The following RAB33A variants were observed in gnomAD, a reference collection of about 807,000 sequenced individuals.
RAB33A encodes the protein ras-related protein Rab-33A.
In RAB33A, 6 loss-of-function variants were observed where a neutral mutation model predicts 12.0. The observed-to-expected ratio is 0.50, with a 90% CI of 0.27 to 0.99. The LOEUF (loss-of-function observed/expected upper bound fraction) is 0.99. Ranked by LOEUF, RAB33A falls within the 50% of genes least tolerant of loss-of-function variation. The probability of loss-of-function intolerance (pLI) is 0.11; values close to 1 mark genes in which losing one functional copy is unlikely to be tolerated. For missense variants in RAB33A, 109 were observed against 192.0 expected (o/e 0.57, Z 2.55); for synonymous variants, 70 against 82.4 (o/e 0.85, Z 0.81).
the RAB33A span, chrX:130,136,877 T>C: frequency 5.0e-6 from 5 of 1,004,720 alleles, no homozygotes; most frequent in South Asian, 1.0e-4. Context: ...CCTACACCCA[T>C]GGTTCATTTT....
chrX:130,150,326 C>CTTT, the RAB33A span, among the ~76,000 whole-genome samples: 60 of 61,650 alleles, frequency 9.7e-4, 2 homozygotes, highest in African/African-American at 3.3e-3. Context: ...TTATTGGAGA[C>CTTT]TTTTTTTTTT....
chrX:130,162,212 A>G, the RAB33A span, among the ~76,000 whole-genome samples: 2 of 112,159 alleles, frequency 1.8e-5, no homozygotes, highest in East Asian at 2.8e-4. Context: ...ACTATTCTGA[A>G]TATGAGAAAA....
At chrX:130,126,231 C>G in the RAB33A span, among the ~76,000 whole-genome samples, 3 of 112,238 alleles carry the variant, frequency 2.7e-5, no homozygotes, top group African/African-American at 9.7e-5. Flanking sequence ...TGGCTCATGC[C>G]TGTAATCTCA....
At chrX:130,177,141 G>C (rs1484154359) in intron 1 of RAB33A, among the ~76,000 whole-genome samples, 5 of 112,108 alleles carry the variant, frequency 4.5e-5, no homozygotes, top group Non-Finnish European at 7.5e-5. Context: ...GCCACCCATG[G>C]CATGTTGCCA....
At chrX:130,125,868 T>C in the RAB33A span, among the ~76,000 whole-genome samples, 1 of 111,925 alleles carries the variant, frequency 8.9e-6, no homozygotes, top group South Asian at 3.7e-4. Flanking sequence ...ATCTAACCCC[T>C]TTCCAATCAA....
the RAB33A span, chrX:130,147,803 T>C: frequency 8.2e-7 from 1 of 1,212,265 alleles, no homozygotes; most frequent in Non-Finnish European, 1.1e-6. Flanking sequence ...CAAAAGCAGC[T>C]GTGCCTCCAC....
the RAB33A span, chrX:130,131,537 T>A: frequency 1.1e-6 from 1 of 927,577 alleles, no homozygotes; most frequent in South Asian, 2.1e-5. Flanking sequence ...GACTTGGGGT[T>A]TGGTTTCTTT....
chrX:130,140,640 CA>C, the RAB33A span: 1 of 1,120,629 alleles, frequency 8.9e-7, no homozygotes, highest in African/African-American at 1.8e-5. Context: ...CACACATACA[CA>C]AAAGAGGTAG....
the RAB33A span, chrX:130,145,427 G>C: frequency 2.1e-6 from 2 of 930,888 alleles, no homozygotes; most frequent in Non-Finnish European, 3.1e-6. Context: ...CACCATACTG[G>C]CTGGTGGGCA....
At chrX:130,161,391 A>G in the RAB33A span, among the ~76,000 whole-genome samples, 11 of 107,497 alleles carry the variant, frequency 1.0e-4, 1 homozygote, top group South Asian at 4.7e-3. Flanking sequence ...GGTGCCTGTA[A>G]TCCCAGCTAC....
chrX:130,176,573 C>T (rs1274016191), intron 1 of RAB33A, among the ~76,000 whole-genome samples: 2 of 112,092 alleles, frequency 1.8e-5, no homozygotes, highest in Non-Finnish European at 3.8e-5. Flanking sequence ...GCTAAGTGTT[C>T]CTTGGAAGCT....
At chrX:130,132,296 G>T in the RAB33A span, among the ~76,000 whole-genome samples, 3 of 112,160 alleles carry the variant, frequency 2.7e-5, no homozygotes, top group Non-Finnish European at 5.6e-5. Flanking sequence ...TAATAGCTTT[G>T]ACTTTTCCTT....
At chrX:130,136,244 C>T in the RAB33A span, 11 of 1,156,669 alleles carry the variant, frequency 9.5e-6, no homozygotes, top group Admixed American at 2.2e-5. Flanking sequence ...TGCCTACAGG[C>T]GTAACAATGG....
At chrX:130,131,859 T>C in the RAB33A span, 759 of 1,185,571 alleles carry the variant, frequency 6.4e-4, 8 homozygotes, top group African/African-American at 0.012. Context: ...CGGTAGCACA[T>C]ATTCTCCATG....
At chrX:130,144,179 TTCA>T in the RAB33A span, among the ~76,000 whole-genome samples, 1 of 111,334 alleles carries the variant, frequency 9.0e-6, no homozygotes, top group South Asian at 3.8e-4. Flanking sequence ...CTTCTTCTTC[TTCA>T]TCATCATCAT....
the RAB33A span, among the ~76,000 whole-genome samples, chrX:130,131,501 C>T: frequency 8.9e-6 from 1 of 111,886 alleles, no homozygotes; most frequent in African/African-American, 3.2e-5. Context: ...CTGATTTTGC[C>T]AAATCTCAGA....
the RAB33A span, among the ~76,000 whole-genome samples, chrX:130,118,149 G>A: frequency 8.9e-6 from 1 of 112,458 alleles, no homozygotes; most frequent in Non-Finnish European, 1.9e-5. Flanking sequence ...GCCCGGAAGT[G>A]TGCAAGCAGG....
the RAB33A span, chrX:130,155,024 T>C: frequency 2.4e-6 from 2 of 844,767 alleles, no homozygotes; most frequent in African/African-American, 2.0e-5. Flanking sequence ...TGACTGACAA[T>C]GTCCCTTTAA....
chrX:130,154,229 A>G, the RAB33A span, among the ~76,000 whole-genome samples: 15 of 112,055 alleles, frequency 1.3e-4, no homozygotes, highest in Non-Finnish European at 3.8e-5. Context: ...TGCTTCTTAG[A>G]TATTTCTAAG....
Sources: gnomAD v4.1 joint callset for allele counts (sites outside exome capture counted in the v4.1 genomes callset) on GRCh38, gnomAD v4.1.1 for gene constraint, MANE v1.5 for transcripts, NCBI Gene and HGNC (gene_info 2026-07-23, HGNC 2026-07-21) for gene names.